The following OSBPL8 variants were observed in gnomAD, a reference collection of about 807,000 sequenced individuals.
OSBPL8 encodes the protein oxysterol-binding protein-related protein 8.
Under a neutral mutation model 125.5 loss-of-function variants are expected in OSBPL8, and 59 were observed. The ratio of observed to expected loss-of-function variants is 0.47; its 90% CI spans 0.38 to 0.58. OSBPL8 has a LOEUF of 0.58. Among genes scored for constraint, OSBPL8 ranks in the 20% least tolerant of loss-of-function variants. The pLI is 0.00. For missense variants in OSBPL8, 758 were observed against 1,047.8 expected (o/e 0.72, Z 3.82); for synonymous variants, 330 against 338.9 (o/e 0.97, Z 0.29).
intron 4 of OSBPL8, chr12:76,422,769 A>G: frequency 2.9e-6 from 1 of 342,798 alleles, no homozygotes; most frequent in Non-Finnish European, 5.9e-6. Context: ...ACAAACAAAG[A>G]ACACACACAT....
intron 3 of OSBPL8, among the ~76,000 whole-genome samples, chr12:76,453,059 C>T (rs1013443735): frequency 2.6e-5 from 4 of 151,506 alleles, no homozygotes; most frequent in African/African-American, 4.9e-5. Context: ...ATCACTTTAC[C>T]TTACATGATT....
At chr12:76,442,442 A>G (rs1425012598) in intron 4 of OSBPL8, among the ~76,000 whole-genome samples, 2 of 152,200 alleles carry the variant, frequency 1.3e-5, no homozygotes, top group African/African-American at 4.8e-5. Context: ...TTCAAAACAG[A>G]AAACAACCTA....
intron 11 of OSBPL8, chr12:76,390,162 T>A: frequency 2.3e-6 from 1 of 441,380 alleles, no homozygotes; most frequent in Non-Finnish European, 4.0e-6. Context: ...GGCAATGACA[T>A]CAAGCAATAT....
chr12:76,383,111 A>T (rs1236265050), intron 15 of OSBPL8, among the ~76,000 whole-genome samples: 2 of 152,184 alleles, frequency 1.3e-5, no homozygotes, highest in African/African-American at 4.8e-5. Context: ...GATTCTTTCA[A>T]ATTATAAAGG....
chr12:76,488,147 AT>A (rs900104700), intron 1 of OSBPL8, among the ~76,000 whole-genome samples: 1 of 152,224 alleles, frequency 6.6e-6, no homozygotes, highest in Non-Finnish European at 1.5e-5. Flanking sequence ...AATAAATCTG[AT>A]GAAAAAAACT....
At chr12:76,530,220 CTTTT>C (rs59016280) in intron 1 of OSBPL8, among the ~76,000 whole-genome samples, 10 of 107,198 alleles carry the variant, frequency 9.3e-5, no homozygotes, top group African/African-American at 2.0e-4. Flanking sequence ...CCGGGCCTGG[CTTTT>C]TTTTTTTTTT....
At chr12:76,418,010 CTTTTTTTT>C (rs35319213) in intron 4 of OSBPL8, among the ~76,000 whole-genome samples, 2 of 111,558 alleles carry the variant, frequency 1.8e-5, no homozygotes, top group Admixed American at 9.9e-5. Flanking sequence ...TTTTCACTAC[CTTTTTTTT>C]TTTTTTTTTT....
At chr12:76,456,155 G>A (rs1874014727) in intron 3 of OSBPL8, among the ~76,000 whole-genome samples, 2 of 151,996 alleles carry the variant, frequency 1.3e-5, no homozygotes, top group South Asian at 4.2e-4. Context: ...TAATCTAAGT[G>A]GAAGCTAAAA....
chr12:76,379,185 A>G (rs1195493497), intron 15 of OSBPL8, among the ~76,000 whole-genome samples: 1 of 152,182 alleles, frequency 6.6e-6, no homozygotes, highest in Non-Finnish European at 1.5e-5. Context: ...TTTTTGAATA[A>G]AACCATTATT....
Position 76,526,635 on chromosome 12 carries a change from C to CTTTT in OSBPL8, c.-68+32758_-68+32761dup, listed in dbSNP as rs573409160. ...TGTTATACTTGCTATCAGTAAATCTCTTTTTTTTTTTTTTTTTTTTTTTTT... is the reference window on the plus strand; with the variant it reads ...TGTTATACTTGCTATCAGTAAATCTCTTTTTTTTTTTTTTTTTTTTTTTTTTTTT... On this transcript the variant is annotated intron_variant, in intron 1 of 23. Coordinates refer to ENST00000261183, the MANE Select transcript of OSBPL8 (RefSeq NM_020841.5). Among the ~76,000 whole-genome samples the CTTTT allele has an allele frequency of 1.9e-3, 124 of 64,266 alleles. 13 individuals are homozygous for CTTTT. The highest frequency in any genetic ancestry group is 3.8e-3 in the East Asian group (5 of 1,300). 42.2% of individuals were successfully genotyped at this position (64,266 alleles called of 152,430 possible). A position where few individuals can be genotyped will look rare whatever the true frequency, so the allele number is the denominator to read the frequency against.
chr12:76,442,547 A>T (rs1872309927), intron 4 of OSBPL8, among the ~76,000 whole-genome samples: 1 of 152,124 alleles, frequency 6.6e-6, no homozygotes, highest in South Asian at 2.1e-4. Context: ...TAATTATACT[A>T]TTTCTAAAGA....
intron 1 of OSBPL8, among the ~76,000 whole-genome samples, chr12:76,515,960 G>C (rs1339575507): frequency 6.6e-6 from 1 of 152,088 alleles, no homozygotes; most frequent in African/African-American, 2.4e-5. Context: ...ATGGATTGAA[G>C]AAGTAATCAC....
At chr12:76,437,959 C>T (rs1415603407) in intron 4 of OSBPL8, among the ~76,000 whole-genome samples, 1 of 152,034 alleles carries the variant, frequency 6.6e-6, no homozygotes, top group African/African-American at 2.4e-5. Flanking sequence ...CTGCAGTTAA[C>T]ATAAATTAAG....
intron 9 of OSBPL8, among the ~76,000 whole-genome samples, chr12:76,394,376 C>G (rs989487259): frequency 6.6e-6 from 1 of 151,800 alleles, no homozygotes; most frequent in Non-Finnish European, 1.5e-5. Context: ...AGACCACTAA[C>G]AAATAAAAAG....
chr12:76,534,366 C>T (rs143255430), intron 1 of OSBPL8: 5 of 152,266 alleles, frequency 3.3e-5, no homozygotes, highest in South Asian at 2.1e-4. Flanking sequence ...AAGTATCAGA[C>T]GTGGTATTTA....
At chr12:76,397,964 A>G in intron 7 of OSBPL8, 67 bp from the exon 8 acceptor site, 1 of 1,339,796 alleles carries the variant, frequency 7.5e-7, no homozygotes, top group South Asian at 1.3e-5. Context: ...AAAATACTGC[A>G]AATAAGATGT....
chr12:76,480,619 G>T (rs1169288924), intron 2 of OSBPL8, among the ~76,000 whole-genome samples: 1 of 152,170 alleles, frequency 6.6e-6, no homozygotes, highest in African/African-American at 2.4e-5. Flanking sequence ...AATCTTCACA[G>T]TTATTTTAAC....
chr12:76,399,081 T>C (rs951829711), intron 7 of OSBPL8, among the ~76,000 whole-genome samples: 2 of 152,174 alleles, frequency 1.3e-5, no homozygotes, highest in African/African-American at 4.8e-5. Context: ...GAAGGTGTTA[T>C]TAGCACAAGA....
intron 1 of OSBPL8, among the ~76,000 whole-genome samples, chr12:76,488,968 A>G (rs1878439844): frequency 6.6e-6 from 1 of 152,254 alleles, no homozygotes. Flanking sequence ...AGAAATTAAA[A>G]GTCCTATTCC....
Sources: gnomAD v4.1 joint callset for allele counts (sites outside exome capture counted in the v4.1 genomes callset) on GRCh38, gnomAD v4.1.1 for gene constraint, MANE v1.5 for transcripts, NCBI Gene and HGNC (gene_info 2026-07-23, HGNC 2026-07-21) for gene names.